The following DACH1 variants were observed in gnomAD, a reference collection of about 807,000 sequenced individuals.
DACH1 encodes the protein dachshund family transcription factor 1.
DACH1 carries 12 observed loss-of-function variants against 54.2 expected under a neutral mutation model. The ratio of observed to expected loss-of-function variants is 0.22; its 90% CI spans 0.14 to 0.36. The LOEUF is 0.36. Ranked by LOEUF, DACH1 falls within the 10% of genes least tolerant of loss-of-function variation. The pLI is 1.00. For missense variants in DACH1, 805 were observed against 929.8 expected (o/e 0.87, Z 1.75); for synonymous variants, 386 against 366.2 (o/e 1.05, Z -0.62).
chr13:71,854,440 T>C (rs1248392851), intron 1 of DACH1, among the ~76,000 whole-genome samples: 1 of 152,098 alleles, frequency 6.6e-6, no homozygotes, highest in Non-Finnish European at 1.5e-5. Flanking sequence ...GTAATAAGGA[T>C]TACTCTACTT....
At chr13:71,821,429 A>ATTTAAATTTACATTTAAATTCTAAGAT (rs1888181171) in intron 1 of DACH1, among the ~76,000 whole-genome samples, 1 of 131,120 alleles carries the variant, frequency 7.6e-6, no homozygotes, top group Non-Finnish European at 1.6e-5. Context: ...AAGATTTTAA[A>ATTTAAATTTACATTTAAATTCTAAGAT]TTTAAATTTA....
At chr13:71,726,505 T>G (rs1305974895) in intron 1 of DACH1, among the ~76,000 whole-genome samples, 1 of 152,124 alleles carries the variant, frequency 6.6e-6, no homozygotes, top group East Asian at 1.9e-4. Context: ...ATACGCCTAA[T>G]AGAAAAATAA....
chr13:71,778,795 G>T (rs917117034), intron 1 of DACH1, among the ~76,000 whole-genome samples: 1 of 151,856 alleles, frequency 6.6e-6, no homozygotes, highest in Non-Finnish European at 1.5e-5. Context: ...CAATAAATTT[G>T]TTCTGGTATA....
intron 2 of DACH1, among the ~76,000 whole-genome samples, chr13:71,668,546 C>G (rs930810417): frequency 1.3e-5 from 2 of 151,734 alleles, no homozygotes; most frequent in African/African-American, 4.8e-5. Context: ...AAAAACAAAT[C>G]AATGACATAA....
intron 1 of DACH1, among the ~76,000 whole-genome samples, chr13:71,804,089 T>C (rs1566510734): frequency 6.6e-6 from 1 of 152,042 alleles, no homozygotes; most frequent in Non-Finnish European, 1.5e-5. Flanking sequence ...GAGGCCAAAG[T>C]GGGAGAATTG....
At chr13:71,721,380 G>C (rs1305187139) in intron 1 of DACH1, among the ~76,000 whole-genome samples, 1 of 152,070 alleles carries the variant, frequency 6.6e-6, no homozygotes, top group African/African-American at 2.4e-5. Flanking sequence ...TATCACTAGG[G>C]GAGGTAAGAG....
At chr13:71,492,359 T>G (rs1309007184) in intron 6 of DACH1, among the ~76,000 whole-genome samples, 1 of 152,130 alleles carries the variant, frequency 6.6e-6, no homozygotes. Context: ...GCAAGTGTCT[T>G]TTAAGACAAA....
At chr13:71,732,854 T>G (rs1002904435) in intron 1 of DACH1, among the ~76,000 whole-genome samples, 7 of 152,270 alleles carry the variant, frequency 4.6e-5, no homozygotes, top group African/African-American at 1.7e-4. Flanking sequence ...CACTCCCCTA[T>G]AGGTTATTTC....
At chr13:71,623,761 T>C (rs1316248839) in intron 3 of DACH1, among the ~76,000 whole-genome samples, 1 of 151,858 alleles carries the variant, frequency 6.6e-6, no homozygotes, top group African/African-American at 2.4e-5. Flanking sequence ...CTTATCTAAG[T>C]AGTTAAGTTA....
chr13:71,652,000 T>A (rs1878723622), intron 2 of DACH1, among the ~76,000 whole-genome samples: 1 of 152,190 alleles, frequency 6.6e-6, no homozygotes, highest in Admixed American at 6.5e-5. Flanking sequence ...AATGAACCCT[T>A]CATGAGTGTT....
chr13:71,721,939 A>G (rs1883247726), intron 1 of DACH1, among the ~76,000 whole-genome samples: 1 of 152,118 alleles, frequency 6.6e-6, no homozygotes, highest in African/African-American at 2.4e-5. Context: ...TAGTGTATCT[A>G]TTAGAATGAT....
intron 1 of DACH1, among the ~76,000 whole-genome samples, chr13:71,731,769 T>A (rs982784193): frequency 5.3e-5 from 8 of 152,172 alleles, no homozygotes; most frequent in Non-Finnish European, 1.2e-4. Context: ...GAAACTTAGA[T>A]CTGAATTCCC....
At chr13:71,856,608 T>C (rs1189084791) in intron 1 of DACH1, among the ~76,000 whole-genome samples, 1 of 152,096 alleles carries the variant, frequency 6.6e-6, no homozygotes, top group East Asian at 1.9e-4. Flanking sequence ...TACAAGGTTT[T>C]ATATTTTGTA....
chr13:71,512,924 A>C (rs1880891218), intron 6 of DACH1, among the ~76,000 whole-genome samples: 1 of 151,964 alleles, frequency 6.6e-6, no homozygotes, highest in Non-Finnish European at 1.5e-5. Flanking sequence ...AAGATTATAC[A>C]TTTAAAAAAT....
At chr13:71,760,307 A>G (rs987371761) in intron 1 of DACH1, among the ~76,000 whole-genome samples, 1 of 152,188 alleles carries the variant, frequency 6.6e-6, no homozygotes, top group Non-Finnish European at 1.5e-5. Context: ...AATGATTCTC[A>G]GTGGCTTCTG....
intron 10 of DACH1, among the ~76,000 whole-genome samples, chr13:71,470,751 G>A (rs538480100): frequency 8.5e-4 from 129 of 152,228 alleles, no homozygotes; most frequent in African/African-American, 3.0e-3. Flanking sequence ...CTAATTCCTC[G>A]ATGGCTGATT....
At chr13:71,862,313 TACAA>T (rs1874411504) in intron 1 of DACH1, among the ~76,000 whole-genome samples, 1 of 152,188 alleles carries the variant, frequency 6.6e-6, no homozygotes, top group South Asian at 2.1e-4. Context: ...AACTGACTTA[TACAA>T]ACAGAGATTT....
At chr13:71,851,575 T>C (rs1186698792) in intron 1 of DACH1, among the ~76,000 whole-genome samples, 1 of 152,140 alleles carries the variant, frequency 6.6e-6, no homozygotes, top group African/African-American at 2.4e-5. Context: ...AGTGGCCTTC[T>C]TGTTGTTGAA....
At chr13:71,544,754 A>T (rs770101321) in intron 6 of DACH1, among the ~76,000 whole-genome samples, 1 of 152,026 alleles carries the variant, frequency 6.6e-6, no homozygotes, top group East Asian at 1.9e-4. Flanking sequence ...TATAGACCCC[A>T]CCACATATTC....
Sources: allele counts gnomAD v4.1 joint callset (sites outside exome capture counted in the v4.1 genomes callset), GRCh38; gene constraint gnomAD v4.1.1; transcripts MANE v1.5; gene names NCBI Gene and HGNC (gene_info 2026-07-23, HGNC 2026-07-21).